PDHX: variants seen among roughly 807,000 people sequenced by gnomAD.
The protein encoded by PDHX is pyruvate dehydrogenase complex component X, also known as pyruvate dehydrogenase protein X component, mitochondrial.
Under a neutral mutation model 55.3 loss-of-function variants are expected in PDHX, and 33 were observed. The observed-to-expected ratio is 0.60, with a 90% CI of 0.45 to 0.80. The LOEUF is 0.80. PDHX is among the 30% of genes least tolerant of loss of function. PDHX has a pLI of 0.00. For missense variants in PDHX, 622 were observed against 619.9 expected (o/e 1.00, Z -0.04); for synonymous variants, 226 against 219.4 (o/e 1.03, Z -0.27).
intron 1 of PDHX, among the ~76,000 whole-genome samples, chr11:34,925,914 A>T (rs574981696): frequency 6.6e-6 from 1 of 152,328 alleles, no homozygotes; most frequent in Non-Finnish European, 1.5e-5. Context: ...CCAAAATCTG[A>T]AAAAATCTGA....
rs1275553678 is a variant in PDHX at position 34,984,696 on chromosome 11, A to G, written c.1150A>G (p.Lys384Glu). The G allele has an allele frequency of 3.1e-6, 5 of 1,614,060 alleles. No homozygotes were observed. The change falls in exon 9 of 11, where the codon AAA (lysine) becomes GAA (glutamate). Residue 384 changes from lysine to glutamate, a missense_variant. Lys to Glu is a moderately conservative substitution (Grantham distance 56). Coordinates refer to ENST00000227868, the MANE Select transcript of PDHX (RefSeq NM_003477.3). ...TCCAATCATAAAAGATGCTGCTGCT[A>G]AAGGTATCCAGGAAATTGCTGACTC... is the stretch of plus-strand genomic sequence containing the variant. ...LTPIIKDAAA[K>E]GIQEIADSVK...
upstream of PDHX, chr11:34,916,441 G>C: frequency 6.8e-7 from 1 of 1,472,756 alleles, no homozygotes; most frequent in Non-Finnish European, 9.0e-7. Flanking sequence ...GTCTGGTAAG[G>C]CCCCGCCGGC....
chr11:34,992,838 T>C (rs555919795), intron 10 of PDHX, among the ~76,000 whole-genome samples: 6 of 152,264 alleles, frequency 3.9e-5, no homozygotes, highest in Admixed American at 2.0e-4. Context: ...TAGTGTCTTA[T>C]AGTGAATGTA....
chr11:34,982,592 T>C (rs1193102846), intron 8 of PDHX, among the ~76,000 whole-genome samples: 2 of 151,894 alleles, frequency 1.3e-5, no homozygotes, highest in Admixed American at 6.6e-5. Context: ...AAAGGCGATA[T>C]CACCACCGAT....
intron 2 of PDHX, among the ~76,000 whole-genome samples, chr11:34,934,020 C>G (rs1211073808): frequency 1.3e-5 from 2 of 152,156 alleles, no homozygotes; most frequent in Non-Finnish European, 2.9e-5. Context: ...GCATTTTTCT[C>G]TACCTCTTCT....
chr11:34,984,869 T>A (rs1217672576), intron 9 of PDHX, 141 bp downstream of exon 9: 1 of 804,838 alleles, frequency 1.2e-6, no homozygotes, highest in African/African-American at 1.7e-5. Flanking sequence ...CAAGTGATTG[T>A]CACATATATA....
chr11:34,916,298 G>T, upstream of PDHX: 2 of 1,611,312 alleles, frequency 1.2e-6, no homozygotes, highest in Non-Finnish European at 1.7e-6. Context: ...CCAGACCAGG[G>T]ACCCGCGCGG....
rs763203759 is a variant in PDHX at position 34,984,704 on chromosome 11, C to T, written c.1158C>T (p.Ile386=). The T allele has an allele frequency of 6.2e-7, 1 of 1,613,984 alleles. No individual in the cohort carries two copies. Among genetic ancestry groups the T allele is most frequent in the South Asian group, 1.1e-5 (1 of 91,070 alleles). Residue 386 remains isoleucine, a synonymous_variant, in exon 9 of 11, where the codon ATC becomes ATT. Coordinates refer to ENST00000227868, the MANE Select transcript of PDHX (RefSeq NM_003477.3). ...TAAAAGATGCTGCTGCTAAAGGTAT[C>T]CAGGAAATTGCTGACTCTGTAAAGG... ...PIIKDAAAKG[I]QEIADSVKAL...
intron 7 of PDHX, among the ~76,000 whole-genome samples, chr11:34,974,360 G>A (rs1565166336): frequency 6.6e-6 from 1 of 152,152 alleles, no homozygotes; most frequent in South Asian, 2.1e-4. Flanking sequence ...TTTTAAGGCT[G>A]AACAGTGTTC....
chr11:34,967,785 A>T (rs1855168196), intron 6 of PDHX, among the ~76,000 whole-genome samples: 1 of 152,204 alleles, frequency 6.6e-6, no homozygotes, highest in South Asian at 2.1e-4. Flanking sequence ...TGAAAACAGT[A>T]CAACTTTCAT....
chr11:34,933,700 A>C (rs1854232502), intron 2 of PDHX, among the ~76,000 whole-genome samples: 1 of 152,070 alleles, frequency 6.6e-6, no homozygotes, highest in Non-Finnish European at 1.5e-5. Flanking sequence ...CTCCTTGGAG[A>C]GTAGCTACTT....
At chr11:34,916,130 A>G, upstream of PDHX, 2 of 1,482,640 alleles carry the variant, frequency 1.3e-6, no homozygotes, top group Admixed American at 2.1e-5. Context: ...CCCCGCAGCT[A>G]AACGCCCGGC....
intron 5 of PDHX, among the ~76,000 whole-genome samples, chr11:34,964,972 A>G (rs1362699396): frequency 6.6e-6 from 1 of 152,178 alleles, no homozygotes; most frequent in African/African-American, 2.4e-5. Flanking sequence ...TCGGGCATTA[A>G]CGATACAGAT....
At chr11:34,951,558 G>C (rs1236329337) in intron 3 of PDHX, among the ~76,000 whole-genome samples, 2 of 151,970 alleles carry the variant, frequency 1.3e-5, no homozygotes, top group South Asian at 2.1e-4. Context: ...TTTTTTTCTT[G>C]TAAATTTGTT....
Position 34,966,763 on chromosome 11 carries a change from T to C in PDHX, c.765T>C (p.Tyr255=), listed in dbSNP as rs1307170637. 3 of 1,613,904 alleles carry C rather than the reference T, an allele frequency of 1.9e-6. No individual in the cohort carries two copies. The East Asian group carries it at 6.7e-5, about 36-fold the overall frequency. The change falls in exon 6 of 11, where the codon TAT becomes TAC. Residue 255 remains tyrosine, a synonymous_variant. Coordinates refer to ENST00000227868, the MANE Select transcript of PDHX (RefSeq NM_003477.3). ...SPLQATAGPS[Y]PRPVIPPVST... ...TACAGGCCACAGCTGGACCATCTTA[T>C]CCCCGGCCTGTGATCCCACCAGTAT...
Position 34,984,639 on chromosome 11 carries a change from G to T in PDHX, c.1093G>T (p.Val365Leu). ...GCAACTGCCATTTATTGACATTTCAGTGGCTGTGGCAACAGATAAAGGCTT... is the reference window on the plus strand; with the variant it reads ...GCAACTGCCATTTATTGACATTTCATTGGCTGTGGCAACAGATAAAGGCTT... The part of the protein sequence containing the change: ...PKQLPFIDIS[V>L]AVATDKGLLT... The change falls in exon 9 of 11, where the codon GTG becomes TTG. Residue 365 changes from valine to leucine, a missense_variant. Transcript: ENST00000227868. 1 of 1,613,882 alleles carries T rather than the reference G, an allele frequency of 6.2e-7. No homozygotes were observed. The highest frequency in any genetic ancestry group is 8.5e-7 in the Non-Finnish European group (1 of 1,179,804).
At chr11:34,960,278 T>TA in intron 4 of PDHX, 142 bp from the exon 5 acceptor site, 1 of 620,780 alleles carries the variant, frequency 1.6e-6, no homozygotes. Context: ...ACAGATTATT[T>TA]GACTGTGACC....
chr11:34,925,643 C>T (rs1853999948), intron 1 of PDHX, among the ~76,000 whole-genome samples: 1 of 152,178 alleles, frequency 6.6e-6, no homozygotes. Flanking sequence ...ATAGTAATAT[C>T]ACTAGCTAGA....
chr11:34,943,312 T>A (rs927548673), intron 2 of PDHX, among the ~76,000 whole-genome samples: 1 of 152,188 alleles, frequency 6.6e-6, no homozygotes, highest in Admixed American at 6.5e-5. Context: ...ATTATGTAGG[T>A]CAAGTTACTC....
Sources: gnomAD v4.1 joint callset for allele counts (sites outside exome capture counted in the v4.1 genomes callset) on GRCh38, gnomAD v4.1.1 for gene constraint, MANE v1.5 for transcripts, NCBI Gene and HGNC (gene_info 2026-07-23, HGNC 2026-07-21) for gene names.